TNFRSF8: variants seen among roughly 807,000 people sequenced by gnomAD.
TNFRSF8 encodes the protein tumor necrosis factor receptor superfamily member 8.
TNFRSF8 carries 26 observed loss-of-function variants against 70.8 expected under a neutral mutation model. The ratio of observed to expected loss-of-function variants is 0.37; its 90% confidence interval spans 0.27 to 0.51. The LOEUF is 0.51. TNFRSF8 is among the 20% of genes least tolerant of loss of function. The pLI, the probability that TNFRSF8 is intolerant of heterozygous loss-of-function variation, is 0.94. For synonymous variants in TNFRSF8, 356 were observed against 339.2 expected (o/e 1.05, Z -0.54); for missense variants, 720 against 807.9 (o/e 0.89, Z 1.32).
chr1:12,101,633 A>G (rs907885804), intron 3 of TNFRSF8, among the ~76,000 whole-genome samples: 1 of 152,134 alleles, frequency 6.6e-6, no homozygotes, highest in East Asian at 1.9e-4. Flanking sequence ...TGCCGTGGCT[A>G]TGACATCACT....
At chr1:12,123,175 C>T in intron 8 of TNFRSF8, 109 bp from the exon 9 acceptor site, 1 of 864,466 alleles carries the variant, frequency 1.2e-6, no homozygotes. Context: ...ACTGTCTTAG[C>T]TCCCACGGTG....
chr1:12,115,372 C>A (rs1378127142), intron 7 of TNFRSF8, among the ~76,000 whole-genome samples: 3 of 152,222 alleles, frequency 2.0e-5, no homozygotes, highest in East Asian at 1.9e-4. Flanking sequence ...ATACAGAATA[C>A]CCTCGCTTTT....
rs1200647081 is a variant in TNFRSF8, at chr1:12,109,359, G to T, written c.422-207G>T. 1.3e-5 allele frequency among the ~76,000 whole-genome samples: 2 copies of T among 152,162 alleles called. No homozygotes were observed. Among genetic ancestry groups the T allele is most frequent in the African/African-American group, 2.4e-5 (1 of 41,442 alleles). ...GTCCCAACCCCTAACCACAGATGCT[G>T]AGATCAGAGGGAGAGTAATTCCCCA... is the stretch of plus-strand genomic sequence containing the variant. On this transcript the variant is annotated intron_variant, in intron 4 of 14. Coordinates refer to ENST00000263932, the MANE Select transcript of TNFRSF8 (RefSeq NM_001243.5). The surrounding 1 kb of genome is among the most constrained non-coding windows in gnomAD (Gnocchi z 4.4).
rs1009117317 is a variant in TNFRSF8 at position 12,119,278 on chromosome 1, G to T, written c.946+3549G>T. On this transcript the variant is annotated intron_variant, in intron 8 of 14. Coordinates refer to ENST00000263932, the MANE Select transcript of TNFRSF8 (RefSeq NM_001243.5). This position sits in a 1 kb window ranked among gnomAD's most constrained non-coding sequence, Gnocchi z 4.4. ...GTCTGCAAAAGTGTCCTGACTCCCT[G>T]ATTCCCTCTGTGCATCCCCCACCAG... Among the ~76,000 whole-genome samples the T allele has an allele frequency of 6.6e-6, 1 of 152,176 alleles. No homozygotes were observed. Among genetic ancestry groups the T allele is most frequent in the Non-Finnish European group, 1.5e-5 (1 of 68,044 alleles).
At chr1:12,120,827 G>A (rs965035315) in intron 8 of TNFRSF8, among the ~76,000 whole-genome samples, 17 of 152,304 alleles carry the variant, frequency 1.1e-4, no homozygotes, top group African/African-American at 4.1e-4. Context: ...GACTCAGGGA[G>A]GAAGAAGGAA....
At chr1:12,080,012 G>A (rs1641036005) in intron 1 of TNFRSF8, among the ~76,000 whole-genome samples, 1 of 148,824 alleles carries the variant, frequency 6.7e-6, no homozygotes, top group Non-Finnish European at 1.5e-5. Context: ...GCAATGGCGT[G>A]ATCTCGGCTC....
At position 12,110,605 on chromosome 1, in the gene TNFRSF8, TTC is replaced by T. The variant is rs567535647; in HGVS notation, c.676+403_676+404del. Among the ~76,000 whole-genome samples, 8 of 152,212 alleles carry T rather than the reference TTC, an allele frequency of 5.3e-5. No individual in the cohort carries two copies. Among genetic ancestry groups the T allele is most frequent in the Non-Finnish European group, 8.8e-5 (6 of 68,042 alleles). On this transcript the variant is annotated intron_variant, in intron 6 of 14. Coordinates refer to ENST00000263932, the MANE Select transcript of TNFRSF8 (RefSeq NM_001243.5). This position sits in a 1 kb window ranked among gnomAD's most constrained non-coding sequence, Gnocchi z 4.0. ...GGTCGACCCTCAGTCATTTTTCTTT[TTC>T]TTTTTTTTGAGACGGAGTTTCGCTC...
rs1436091705 is a variant in TNFRSF8 at position 12,084,526 on chromosome 1, G to A, written c.126G>A (p.Arg42=). The part of the protein sequence containing the change: ...NPSHYYDKAV[R]RCCYRCPMGL... ...GCCACTACTATGACAAGGCTGTCAG[G>A]AGGTGCTGTTACCGCTGCCCCATGG... is the stretch of plus-strand genomic sequence containing the variant. Residue 42 remains arginine (R), a synonymous_variant, in exon 2 of 15, where the codon AGG becomes AGA. Coordinates refer to ENST00000263932, the MANE Select transcript of TNFRSF8 (RefSeq NM_001243.5). 8 of 1,613,928 alleles carry A rather than the reference G, an allele frequency of 5.0e-6. No homozygotes were observed. Among genetic ancestry groups the A allele is most frequent in the Admixed American group, 1.7e-5 (1 of 59,998 alleles).
chr1:12,124,110 T>C (rs1641885718), intron 10 of TNFRSF8, among the ~76,000 whole-genome samples: 1 of 152,156 alleles, frequency 6.6e-6, no homozygotes, highest in African/African-American at 2.4e-5. Context: ...GTTCAAGAGA[T>C]TCTCCTGTCT....
chr1:12,085,772 A>T (rs1251569590), intron 2 of TNFRSF8, among the ~76,000 whole-genome samples: 1 of 152,166 alleles, frequency 6.6e-6, no homozygotes, highest in Non-Finnish European at 1.5e-5. Context: ...CTTAGGCCCG[A>T]GGAGATAAGC....
intron 1 of TNFRSF8, among the ~76,000 whole-genome samples, chr1:12,065,721 C>T (rs1006943702): frequency 3.9e-5 from 6 of 152,170 alleles, no homozygotes; most frequent in Admixed American, 3.9e-4. Context: ...GATCCTCTGC[C>T]TATCTTTTAA....
chr1:12,083,400 G>A (rs945144286), intron 1 of TNFRSF8, among the ~76,000 whole-genome samples: 2 of 152,126 alleles, frequency 1.3e-5, no homozygotes, highest in Non-Finnish European at 2.9e-5. Context: ...AATGTCTATC[G>A]AGAGCAGGCC....
rs114975232 is a variant in TNFRSF8 at position 12,115,596 on chromosome 1, G to A, written c.813G>A (p.Thr271=). ...SCSRDDLVEK[T]PCAWNSSRTC... Reference sequence around the variant, plus strand: ...CCTTAGATGACCTTGTGGAGAAGACGCCATGTGCATGGAACTCCTCCCGCA... The same window carrying A: ...CCTTAGATGACCTTGTGGAGAAGACACCATGTGCATGGAACTCCTCCCGCA... Residue 271 remains threonine, a synonymous_variant, in exon 8 of 15, where the codon ACG becomes ACA. Coordinates refer to ENST00000263932, the MANE Select transcript of TNFRSF8 (RefSeq NM_001243.5). 706 of 1,614,132 alleles carry A rather than the reference G, an allele frequency of 4.4e-4. 3 individuals carry two copies. The African/African-American group carries it at 8.2e-3, about 19-fold the overall frequency.
At chr1:12,095,444 C>T (rs1641316674) in intron 2 of TNFRSF8, among the ~76,000 whole-genome samples, 1 of 152,052 alleles carries the variant, frequency 6.6e-6, no homozygotes. Context: ...CCTGCCACGA[C>T]ACCCAGCTAA....
At chr1:12,092,867 G>A (rs190456093) in intron 2 of TNFRSF8, among the ~76,000 whole-genome samples, 2,457 of 151,702 alleles carry the variant, frequency 0.016, 203 homozygotes, top group Admixed American at 0.14. Context: ...GTGCAGTGGT[G>A]TAATCTCAGC....
intron 8 of TNFRSF8, among the ~76,000 whole-genome samples, chr1:12,122,010 C>T (rs909786531): frequency 1.3e-5 from 2 of 152,078 alleles, no homozygotes; most frequent in Non-Finnish European, 2.9e-5. Flanking sequence ...GGAACAGATA[C>T]ACTCCTCTAT....
chr1:12,140,239 G>A (rs572798551), intron 14 of TNFRSF8, among the ~76,000 whole-genome samples: 151 of 152,270 alleles, frequency 9.9e-4, no homozygotes, highest in African/African-American at 3.2e-3. Context: ...GGCCACCTCC[G>A]CCATGGTGGA....
At chr1:12,100,125 T>C (rs1641395948) in intron 3 of TNFRSF8, among the ~76,000 whole-genome samples, 1 of 151,878 alleles carries the variant, frequency 6.6e-6, no homozygotes, top group African/African-American at 2.4e-5. Context: ...GCCGAGATCA[T>C]GCCACTGCAC....
At chr1:12,095,275 A>T (rs531836571) in intron 2 of TNFRSF8, among the ~76,000 whole-genome samples, 2 of 151,482 alleles carry the variant, frequency 1.3e-5, no homozygotes, top group South Asian at 4.2e-4. Flanking sequence ...ACAAAGAATC[A>T]CATGTTACTG....
Sources: gnomAD v4.1 joint callset for allele counts (sites outside exome capture counted in the v4.1 genomes callset) on GRCh38, gnomAD v4.1.1 for gene constraint, Gnocchi (gnomAD v3.1) non-coding constraint, MANE v1.5 for transcripts, NCBI Gene and HGNC (gene_info 2026-07-23, HGNC 2026-07-21) for gene names.